ZNF624: variants seen among roughly 807,000 people sequenced by gnomAD.
The protein encoded by ZNF624 is zinc finger protein 624.
Under a neutral mutation model 74.7 loss-of-function variants are expected in ZNF624, and 43 were observed. That is an observed-to-expected ratio of 0.58 (90% confidence interval 0.45 to 0.74). The LOEUF (loss-of-function observed/expected upper bound fraction) is 0.74. ZNF624 is among the 30% of genes least tolerant of loss of function. The pLI is 0.00. For synonymous variants in ZNF624, 331 were observed against 341.3 expected, an observed-to-expected ratio of 0.97 and a Z score of 0.33; for missense variants, 820 against 1,030.0, an observed-to-expected ratio of 0.80 and a Z score of 2.79.
At chr17:16,649,508 AC>A (rs1308558873) in intron 2 of ZNF624, 149 bp downstream of exon 2, 1 of 656,812 alleles carries the variant, frequency 1.5e-6, no homozygotes, top group East Asian at 2.7e-5. Context: ...ATAGTTTACT[AC>A]CCTTACTGTG....
At chr17:16,627,115 T>C (rs1292926573) in intron 5 of ZNF624, among the ~76,000 whole-genome samples, 2 of 151,740 alleles carry the variant, frequency 1.3e-5, no homozygotes, top group Non-Finnish European at 2.9e-5. Context: ...TAGCACCAAT[T>C]TGGAATTCAG....
intron 5 of ZNF624, among the ~76,000 whole-genome samples, chr17:16,632,685 T>C (rs1425036145): frequency 6.6e-6 from 1 of 152,242 alleles, no homozygotes; most frequent in East Asian, 1.9e-4. Context: ...TCAAAGTTAC[T>C]ATCATCTCCT....
chr17:16,618,027 A>G (rs537303483), downstream of ZNF624: 2 of 600,262 alleles, frequency 3.3e-6, no homozygotes, highest in African/African-American at 3.7e-5. Flanking sequence ...AATGGTTAGC[A>G]ACTTCTATAA....
At chr17:16,634,072 G>A (rs892795823) in intron 4 of ZNF624, 115 bp from the exon 5 acceptor site, 1 of 715,524 alleles carries the variant, frequency 1.4e-6, no homozygotes, top group African/African-American at 1.8e-5. Context: ...AAGTTCTAGA[G>A]CTGCACTGTC....
Position 16,622,633 on chromosome 17 carries a change from G to A in ZNF624, c.2253C>T (p.Pro751=). 6.2e-7 allele frequency: 1 copy of A among 1,614,006 alleles called. No homozygotes were observed. Among genetic ancestry groups the A allele is most frequent in the South Asian group, 1.1e-5 (1 of 91,072 alleles). ...CTTTTCCACAGACATCACACTTATA[G>A]GGCTTCTCTCCACTATGGATTTTCT... ...EHQKIHSGEK[P]YKCDVCGKAF... The change falls in exon 6 of 6, where the codon CCC becomes CCT. Residue 751 remains proline, a synonymous_variant. Transcript: ENST00000311331.
At chr17:16,638,094 C>G (rs1909377358) in intron 3 of ZNF624, among the ~76,000 whole-genome samples, 1 of 152,098 alleles carries the variant, frequency 6.6e-6, no homozygotes, top group African/African-American at 2.4e-5. Context: ...ATTTATGCAG[C>G]CAAAAAACAC....
chr17:16,644,430 T>C (rs2093260132), intron 3 of ZNF624, among the ~76,000 whole-genome samples: 1 of 152,202 alleles, frequency 6.6e-6, no homozygotes. Flanking sequence ...AGAGTACCCA[T>C]TTATTTCAAA....
chr17:16,632,187 G>A (rs1745596777), intron 5 of ZNF624, among the ~76,000 whole-genome samples: 3 of 152,142 alleles, frequency 2.0e-5, no homozygotes, highest in Admixed American at 1.3e-4. Flanking sequence ...TGACATGCAG[G>A]TGCACCCATC....
chr17:16,627,293 T>C (rs886134323), intron 5 of ZNF624, among the ~76,000 whole-genome samples: 1 of 152,224 alleles, frequency 6.6e-6, no homozygotes, highest in Non-Finnish European at 1.5e-5. Context: ...TTAATTTATA[T>C]GCACTAAATT....
Position 16,624,376 on chromosome 17 carries a change from T to C in ZNF624, c.510A>G (p.Lys170=). ...LWDSRMEGLW[K]WNDRILRLQN... is the part of the protein sequence containing the mutation. ...GTAATCTCAATATCCTATCATTCCATTTCCATAACCCTTCCATTCTGGAAT... is the reference window on the plus strand; with the variant it reads ...GTAATCTCAATATCCTATCATTCCACTTCCATAACCCTTCCATTCTGGAAT... The change falls in exon 6 of 6, where the codon AAA becomes AAG. Residue 170 remains lysine (K), a synonymous_variant. Coordinates refer to ENST00000311331, the MANE Select transcript of ZNF624 (RefSeq NM_020787.4). 6.2e-7 allele frequency: 1 copy of C among 1,614,050 alleles called. No individual in the cohort carries two copies.
chr17:16,651,948 T>G (rs1048889837), intron 1 of ZNF624, among the ~76,000 whole-genome samples: 1 of 152,180 alleles, frequency 6.6e-6, no homozygotes, highest in African/African-American at 2.4e-5. Context: ...AATGTTAAAT[T>G]ATATAATGTT....
At chr17:16,624,681 G>C (rs1434204389) in intron 5 of ZNF624, 172 bp from the exon 6 acceptor site, 2 of 587,724 alleles carry the variant, frequency 3.4e-6, no homozygotes, top group Admixed American at 7.5e-5. Flanking sequence ...GGCTGGTTTA[G>C]CAAAAACTAA....
chr17:16,617,179 C>G, downstream of ZNF624: 2 of 1,612,628 alleles, frequency 1.2e-6, no homozygotes, highest in African/African-American at 1.3e-5. Flanking sequence ...TGATCGAGAA[C>G]GTGATCGACC....
At chr17:16,647,907 C>T (rs1909631562) in intron 2 of ZNF624, among the ~76,000 whole-genome samples, 1 of 151,656 alleles carries the variant, frequency 6.6e-6, no homozygotes, top group South Asian at 2.1e-4. Flanking sequence ...TCCATGAGGG[C>T]CTTATTTATT....
chr17:16,647,683 T>C (rs748345764), intron 2 of ZNF624, among the ~76,000 whole-genome samples: 3 of 152,232 alleles, frequency 2.0e-5, no homozygotes, highest in Non-Finnish European at 2.9e-5. Context: ...AGACACTACA[T>C]AATTCTACTT....
intron 5 of ZNF624, 198 bp from the exon 6 acceptor site, chr17:16,624,707 GA>G (rs912452674): frequency 7.8e-6 from 4 of 514,858 alleles, no homozygotes; most frequent in African/African-American, 3.9e-5. Context: ...CAAATTCAAT[GA>G]AACTTTCCCG....
intron 2 of ZNF624, among the ~76,000 whole-genome samples, chr17:16,648,153 A>T (rs1161652847): frequency 6.6e-6 from 1 of 151,650 alleles, no homozygotes; most frequent in Non-Finnish European, 1.5e-5. Flanking sequence ...CATGTTGCCC[A>T]GGCTGGTCTT....
At chr17:16,638,728 G>GATAGCATTAGGAGAT (rs60796013) in intron 3 of ZNF624, among the ~76,000 whole-genome samples, 34,439 of 151,534 alleles carry the variant, frequency 0.23, 4,336 homozygotes, top group East Asian at 0.35. Flanking sequence ...TTGGGGGAGG[G>GATAGCATTAGGAGAT]ATAGCATTAG....
chr17:16,649,097 A>G (rs925458481), intron 2 of ZNF624, among the ~76,000 whole-genome samples: 2 of 152,178 alleles, frequency 1.3e-5, no homozygotes, highest in African/African-American at 4.8e-5. Flanking sequence ...CACCCAAATA[A>G]TGTAATTATT....
Sources: allele counts gnomAD v4.1 joint callset (sites outside exome capture counted in the v4.1 genomes callset), GRCh38; gene constraint gnomAD v4.1.1; transcripts MANE v1.5; gene names NCBI Gene and HGNC (gene_info 2026-07-23, HGNC 2026-07-21).